KANSL1L: variants seen among roughly 807,000 people sequenced by gnomAD.
KANSL1L encodes KAT8 regulatory NSL complex subunit 1 like.
In KANSL1L, 25 loss-of-function variants were observed where a neutral mutation model predicts 108.6. The observed-to-expected ratio is 0.23, with a 90% CI of 0.17 to 0.32. The LOEUF (loss-of-function observed/expected upper bound fraction) is 0.32, where lower values mean the gene tolerates loss of function less well. KANSL1L is among the 10% of genes least tolerant of loss of function. KANSL1L has a pLI of 1.00. For missense variants in KANSL1L, 1,137 were observed against 1,125.7 expected (o/e 1.01, Z -0.14); for synonymous variants, 405 against 395.1 (o/e 1.03, Z -0.30).
intron 8 of KANSL1L, 21 bp downstream of exon 8, chr2:210,040,399 A>T: frequency 9.1e-7 from 1 of 1,102,824 alleles, no homozygotes; most frequent in South Asian, 1.3e-5. Flanking sequence ...ATAGAGTACA[A>T]GAACTGTAAA....
At chr2:210,081,127 C>A (rs553001930) in intron 5 of KANSL1L, among the ~76,000 whole-genome samples, 2 of 151,830 alleles carry the variant, frequency 1.3e-5, no homozygotes, top group South Asian at 2.1e-4. Flanking sequence ...AACAAACAAA[C>A]AAAAAAACAC....
At chr2:210,035,733 C>T (rs1485588705) in intron 8 of KANSL1L, among the ~76,000 whole-genome samples, 2 of 152,212 alleles carry the variant, frequency 1.3e-5, no homozygotes, top group African/African-American at 4.8e-5. Flanking sequence ...CCTGCCTCAG[C>T]CTCCCAAAGT....
chr2:210,050,212 A>G (rs2094274798), intron 6 of KANSL1L, among the ~76,000 whole-genome samples: 1 of 152,224 alleles, frequency 6.6e-6, no homozygotes, highest in Non-Finnish European at 1.5e-5. Context: ...GGCAAATTTA[A>G]GAACAATTAA....
chr2:210,098,044 CA>C, intron 5 of KANSL1L, 41 bp downstream of exon 5: 1 of 1,520,352 alleles, frequency 6.6e-7, no homozygotes, highest in Non-Finnish European at 8.8e-7. Flanking sequence ...ATAAAATAGG[CA>C]AAGTTGAATT....
At position 210,129,067 on chromosome 2, in the gene KANSL1L, T is replaced by A. The variant is rs2095095760; in HGVS notation, c.1194A>T (p.Gln398His). 6.2e-7 allele frequency: 1 copy of A among 1,613,940 alleles called. No homozygotes were observed. The highest frequency in any genetic ancestry group is 8.5e-7 in the Non-Finnish European group (1 of 1,179,852). Residue 398 changes from glutamine to histidine, a missense_variant, in exon 3 of 15, where the codon CAA becomes CAT. Gln to His is a conservative substitution (Grantham distance 24). Transcript: ENST00000281772. ...GAATTTGCCTGTGAATGTCTGTTAGTTGTTGGATTTTGCATTCTAGGTCTG... is the reference window on the plus strand; with the variant it reads ...GAATTTGCCTGTGAATGTCTGTTAGATGTTGGATTTTGCATTCTAGGTCTG... Reference protein sequence around the residue: ...QISDLECKIQQLTDIHRQIRA... With the variant: ...QISDLECKIQHLTDIHRQIRA...
At chr2:210,119,135 G>C (rs144507376) in intron 3 of KANSL1L, among the ~76,000 whole-genome samples, 4,240 of 151,780 alleles carry the variant, frequency 0.028, 92 homozygotes, top group Non-Finnish European at 0.044. Context: ...AGTGAGCCAA[G>C]ATCGCACCAC....
At chr2:210,077,197 T>C (rs1301706063) in intron 5 of KANSL1L, among the ~76,000 whole-genome samples, 1 of 152,082 alleles carries the variant, frequency 6.6e-6, no homozygotes, top group Non-Finnish European at 1.5e-5. Flanking sequence ...AACAAATACG[T>C]AATTGATTAT....
intron 6 of KANSL1L, among the ~76,000 whole-genome samples, chr2:210,071,633 C>G (rs1406656056): frequency 6.6e-6 from 1 of 152,112 alleles, no homozygotes; most frequent in Non-Finnish European, 1.5e-5. Flanking sequence ...ATTACTTCAT[C>G]TTAACTAATT....
chr2:210,052,996 C>T (rs1234624226), intron 6 of KANSL1L, among the ~76,000 whole-genome samples: 3 of 152,128 alleles, frequency 2.0e-5, no homozygotes, highest in Non-Finnish European at 2.9e-5. Context: ...GTCAACTTGG[C>T]GGGCTTAACC....
Position 210,153,802 on chromosome 2 carries a change from T to C in KANSL1L, c.781A>G (p.Met261Val). Residue 261 changes from methionine to valine, a missense_variant, in exon 2 of 15, where the codon ATG becomes GTG. Physicochemically the swap from Met to Val is conservative, Grantham distance 21. Around this residue, in one of 3 missense-constraint regions of KANSL1L, gnomAD observed 556 missense variants for 537.7 expected, o/e 1.03. Transcript: ENST00000281772. ...KHVVKHYGQQ[M>V]KLSMKHQLPK... Reference sequence around the variant, plus strand: ...AGTTGATGTTTCATAGACAATTTCATCTGCTGACCATAGTGCTTAACAACA... The same window carrying C: ...AGTTGATGTTTCATAGACAATTTCACCTGCTGACCATAGTGCTTAACAACA... 6.2e-7 allele frequency: 1 copy of C among 1,613,330 alleles called. No homozygotes were observed. Among genetic ancestry groups the C allele is most frequent in the Non-Finnish European group, 8.5e-7 (1 of 1,179,850 alleles).
chr2:210,040,283 T>C (rs1324878438), intron 8 of KANSL1L, 137 bp downstream of exon 8: 1 of 632,972 alleles, frequency 1.6e-6, no homozygotes, highest in Non-Finnish European at 2.8e-6. Flanking sequence ...TGTACATGAG[T>C]TGTAAAAAGT....
intron 3 of KANSL1L, among the ~76,000 whole-genome samples, chr2:210,111,184 T>C (rs759152933): frequency 4.0e-5 from 6 of 150,570 alleles, no homozygotes; most frequent in Admixed American, 6.6e-5. Context: ...CTAAAACTTA[T>C]AGATGAATAT....
chr2:210,034,939 T>A (rs1026921689), intron 8 of KANSL1L, among the ~76,000 whole-genome samples: 16 of 152,348 alleles, frequency 1.1e-4, no homozygotes, highest in Middle Eastern at 3.4e-3. Flanking sequence ...TCGTATCACA[T>A]TTGCTTTACC....
At chr2:210,023,949 A>G in intron 14 of KANSL1L, 84 bp downstream of exon 14, 1 of 934,686 alleles carries the variant, frequency 1.1e-6, no homozygotes, top group Non-Finnish European at 1.6e-6. Context: ...TGATGTAATA[A>G]ACTTAATTTT....
intron 3 of KANSL1L, among the ~76,000 whole-genome samples, chr2:210,119,294 T>C (rs2094990749): frequency 6.6e-6 from 1 of 152,082 alleles, no homozygotes; most frequent in Non-Finnish European, 1.5e-5. Flanking sequence ...CTCTAACTAG[T>C]CTGAAAAATA....
At chr2:210,150,208 AAAAG>A (rs2095292592) in intron 2 of KANSL1L, among the ~76,000 whole-genome samples, 1 of 152,176 alleles carries the variant, frequency 6.6e-6, no homozygotes, top group African/African-American at 2.4e-5. Flanking sequence ...GATTATGGGA[AAAAG>A]AAAGACAGCA....
chr2:210,172,635 A>G (rs1261632782), upstream of KANSL1L, among the ~76,000 whole-genome samples: 1 of 152,242 alleles, frequency 6.6e-6, no homozygotes, highest in Non-Finnish European at 1.5e-5. Context: ...CTTTCATTGT[A>G]ATAAAAATTG....
intron 3 of KANSL1L, among the ~76,000 whole-genome samples, chr2:210,125,367 A>G (rs747931782): frequency 3.3e-5 from 5 of 152,218 alleles, no homozygotes; most frequent in African/African-American, 4.8e-5. Context: ...GATGACTTCA[A>G]TGCTGAATTC....
intron 3 of KANSL1L, among the ~76,000 whole-genome samples, chr2:210,128,116 T>C (rs1043294970): frequency 1.2e-4 from 18 of 152,138 alleles, no homozygotes; most frequent in African/African-American, 4.3e-4. Context: ...AGAAAATAAA[T>C]GTTAGCGAGA....
Sources: gnomAD v4.1 joint callset for allele counts (sites outside exome capture counted in the v4.1 genomes callset) on GRCh38, gnomAD v4.1.1 for gene constraint, gnomAD v4.1.1 regional missense constraint, MANE v1.5 for transcripts, NCBI Gene and HGNC (gene_info 2026-07-23, HGNC 2026-07-21) for gene names.